Variants in PRDM6 observed in about 807,000 individuals in gnomAD.
PRDM6 encodes the protein PR/SET domain 6.
Under a neutral mutation model 60.8 loss-of-function variants are expected in PRDM6, and 25 were observed. The observed-to-expected ratio is 0.41, with a 90% CI of 0.30 to 0.57. The LOEUF is 0.57. Among genes scored for constraint, PRDM6 ranks in the 20% least tolerant of loss-of-function variants. The probability of loss-of-function intolerance (pLI) is 0.27; values close to 1 mark genes in which losing one functional copy is unlikely to be tolerated. For missense variants in PRDM6, 839 were observed against 821.3 expected (o/e 1.02, Z -0.26); for synonymous variants, 407 against 357.4 (o/e 1.14, Z -1.57).
At chr5:123,110,678 C>T (rs1170681088) in intron 3 of PRDM6, among the ~76,000 whole-genome samples, 5 of 151,184 alleles carry the variant, frequency 3.3e-5, no homozygotes, top group African/African-American at 1.2e-4. Context: ...AGCTATTCTC[C>T]TGCCTCAGCT....
Position 123,099,779 on chromosome 5 carries a change from T to G in PRDM6, c.718T>G (p.Trp240Gly). 8 of 1,547,688 alleles carry G rather than the reference T, an allele frequency of 5.2e-6. No homozygotes were observed. Among genetic ancestry groups the G allele is most frequent in the Non-Finnish European group, 7.0e-6 (8 of 1,145,562 alleles). The change falls in exon 3 of 8, where the codon TGG becomes GGG. Residue 240 changes from tryptophan (W) to glycine (G), a missense_variant. By Grantham distance (184) the Trp-to-Gly change is radical. Around this residue, in one of 2 missense-constraint regions of PRDM6, gnomAD observed 730 missense variants for 648.8 expected, o/e 1.13. Coordinates refer to ENST00000407847, the MANE Select transcript of PRDM6 (RefSeq NM_001136239.4). The surrounding 1 kb of genome is among the most constrained non-coding windows in gnomAD (Gnocchi z 4.0). ...AAAPPPELPE[W>G]LRDLPREVCL... is the part of the protein sequence containing the mutation. ...CGCGCCCCCGCCGGAGCTGCCGGAG[T>G]GGCTGCGGGACCTGCCTCGCGAGGT...
chr5:123,107,716 T>A (rs1229775764), intron 3 of PRDM6, among the ~76,000 whole-genome samples: 1 of 152,224 alleles, frequency 6.6e-6, no homozygotes, highest in Non-Finnish European at 1.5e-5. Context: ...ATACAAACAA[T>A]TTTTGTTCTG....
chr5:123,147,809 C>T (rs79643411), intron 3 of PRDM6, among the ~76,000 whole-genome samples: 1 of 152,226 alleles, frequency 6.6e-6, no homozygotes, highest in African/African-American at 2.4e-5. Flanking sequence ...CTCTGATCAA[C>T]AGACAGAGCA....
chr5:123,152,040 C>G (rs1484221186), intron 3 of PRDM6, among the ~76,000 whole-genome samples: 1 of 152,090 alleles, frequency 6.6e-6, no homozygotes, highest in Non-Finnish European at 1.5e-5. Context: ...CTCCCCTTCA[C>G]TGGAAAACTA....
intron 2 of PRDM6, among the ~76,000 whole-genome samples, chr5:123,098,401 C>G (rs1326382838): frequency 6.6e-6 from 1 of 152,264 alleles, no homozygotes; most frequent in Non-Finnish European, 1.5e-5. Context: ...GGCGCCGAGG[C>G]CACCTTCTCG....
Position 123,090,402 on chromosome 5 carries a change from G to A in PRDM6, c.388G>A (p.Glu130Lys), listed in dbSNP as rs781430056. ...TCTAGCCGCCGCTGCCGTCGCCGCCGAGCCGCTGCCCCCCAAGGAACTGTG... is the reference window on the plus strand; with the variant it reads ...TCTAGCCGCCGCTGCCGTCGCCGCCAAGCCGCTGCCCCCCAAGGAACTGTG... ...APLAAAAVAA[E>K]PLPPKELCLG... The change falls in exon 2 of 8, where the codon GAG becomes AAG. Residue 130 changes from glutamate to lysine, a missense_variant. Around this residue, in one of 2 missense-constraint regions of PRDM6, gnomAD observed 730 missense variants for 648.8 expected, o/e 1.13. Coordinates refer to ENST00000407847, the MANE Select transcript of PRDM6 (RefSeq NM_001136239.4). 1.2e-5 allele frequency: 18 copies of A among 1,459,344 alleles called. No individual in the cohort carries two copies. The South Asian group carries it at 1.6e-4, about 13-fold the overall frequency. The allele number at this position is 1,459,344 out of a possible 1,614,324, so 90.4% of individuals were successfully genotyped here.
At position 123,122,164 on chromosome 5, in the gene PRDM6, C is replaced by CAAAAAAAAAA. The variant is rs138619125; in HGVS notation, c.900+22216_900+22225dup. ...GGCGACAGTGCGAGACTCCATCTGACAAAAAAAAAAAAAAAAAAAAAAGAA... is the reference window on the plus strand; with the variant it reads ...GGCGACAGTGCGAGACTCCATCTGACAAAAAAAAAAAAAAAAAAAAAAAAAAAAAAAAGAA... On this transcript the variant is annotated intron_variant, in intron 3 of 7. Transcript: ENST00000407847. Among the ~76,000 whole-genome samples the CAAAAAAAAAA allele has an allele frequency of 9.1e-5, 9 of 98,896 alleles. 2 individuals are homozygous for CAAAAAAAAAA. The highest frequency in any genetic ancestry group is 7.3e-5 in the Non-Finnish European group (4 of 54,538). The allele number at this position is 98,896 out of a possible 152,430, so 64.9% of individuals were successfully genotyped here.
intron 5 of PRDM6, among the ~76,000 whole-genome samples, chr5:123,161,294 T>A (rs890261176): frequency 6.6e-6 from 1 of 152,228 alleles, no homozygotes; most frequent in South Asian, 2.1e-4. Flanking sequence ...TGCTGGGTGA[T>A]ATAAATACAG....
chr5:123,137,284 C>T (rs1190744813), intron 3 of PRDM6, among the ~76,000 whole-genome samples: 1 of 152,160 alleles, frequency 6.6e-6, no homozygotes, highest in Non-Finnish European at 1.5e-5. Flanking sequence ...TGCAAGGTGA[C>T]TGCAAATCAC....
rs1381491363 is a variant in PRDM6, at chr5:123,188,315, C to G, written c.*1114C>G. 6.6e-6 allele frequency: 1 copy of G among 152,094 alleles called. No individual in the cohort carries two copies. The highest frequency in any genetic ancestry group is 1.5e-5 in the Non-Finnish European group (1 of 68,026). 9.4% of individuals were successfully genotyped at this position (152,094 alleles called of 1,614,324 possible). ...GAAGGTTGTGGTTAGAACAGATAGC[C>G]CAGGAGCAGCTAATTTTATCAATAG... On this transcript the variant is annotated 3_prime_UTR_variant, in exon 8 of 8. Transcript: ENST00000407847.
chr5:123,129,239 C>T (rs1004702251), intron 3 of PRDM6, among the ~76,000 whole-genome samples: 7 of 152,132 alleles, frequency 4.6e-5, no homozygotes, highest in Non-Finnish European at 8.8e-5. Context: ...ATTGTCTTGG[C>T]AATGCGGGCT....
In PRDM6 at chr5:123,189,034, G is replaced by T. The variant is rs1209730170; in HGVS notation, c.*1833G>T. 6.6e-6 allele frequency: 1 copy of T among 152,088 alleles called. No individual in the cohort carries two copies. The highest frequency in any genetic ancestry group is 1.5e-5 in the Non-Finnish European group (1 of 68,024). The allele number at this position is 152,088 out of a possible 1,614,324, so 9.4% of individuals were successfully genotyped here. A position where few individuals can be genotyped will look rare whatever the true frequency, so the allele number is the denominator to read the frequency against. On this transcript the variant is annotated 3_prime_UTR_variant, in exon 8 of 8. Transcript: ENST00000407847. ...GCCATTCACCTAGAATTTTCCTCCAGTTCTTACTATCTCCTGGTCATGAAA... is the reference window on the plus strand; with the variant it reads ...GCCATTCACCTAGAATTTTCCTCCATTTCTTACTATCTCCTGGTCATGAAA...
rs1469337075 is a variant in PRDM6 at position 123,099,526 on chromosome 5, C to G, written c.593-128C>G. ...TTGCTTCGGTGCCCCCAAGGCATCA[C>G]CTTCCTCGAAGGTGGCTTACCCAGG... On this transcript the variant is annotated intron_variant, in intron 2 of 7. Transcript: ENST00000407847. This position sits in a 1 kb window ranked among gnomAD's most constrained non-coding sequence, Gnocchi z 4.0. 7.2e-6 allele frequency: 6 copies of G among 833,034 alleles called. No individual in the cohort carries two copies. The highest frequency in any genetic ancestry group is 1.1e-5 in the Non-Finnish European group (6 of 566,610). The allele number at this position is 833,034 out of a possible 1,614,324, so 51.6% of individuals were successfully genotyped here.
At chr5:123,107,699 G>A (rs1328166404) in intron 3 of PRDM6, among the ~76,000 whole-genome samples, 1 of 152,242 alleles carries the variant, frequency 6.6e-6, no homozygotes, top group Non-Finnish European at 1.5e-5. Flanking sequence ...TTAACACAGT[G>A]TTGGGAATAC....
chr5:123,161,765 C>G (rs1428397865), intron 5 of PRDM6, among the ~76,000 whole-genome samples: 1 of 152,168 alleles, frequency 6.6e-6, no homozygotes, highest in Non-Finnish European at 1.5e-5. Context: ...GACCCTGGCT[C>G]TAACTCTGTG....
intron 7 of PRDM6, among the ~76,000 whole-genome samples, chr5:123,183,203 C>A (rs927095081): frequency 2.0e-5 from 3 of 152,144 alleles, no homozygotes; most frequent in Non-Finnish European, 2.9e-5. Flanking sequence ...TGTAAAGGCA[C>A]ATAACCCTCA....
chr5:123,181,074 C>A (rs985833142), intron 7 of PRDM6, among the ~76,000 whole-genome samples: 1 of 152,228 alleles, frequency 6.6e-6, no homozygotes, highest in East Asian at 1.9e-4. Flanking sequence ...ATGGTCTATT[C>A]ATTCACTTAT....
At chr5:123,143,935 C>G (rs775957715) in intron 3 of PRDM6, among the ~76,000 whole-genome samples, 5 of 152,144 alleles carry the variant, frequency 3.3e-5, no homozygotes, top group Admixed American at 3.3e-4. Context: ...GTGGTCCAGT[C>G]AGGGGATCCA....
chr5:123,090,671 G>A (rs1763816829), intron 2 of PRDM6, 65 bp downstream of exon 2: 1 of 1,148,950 alleles, frequency 8.7e-7, no homozygotes, highest in Non-Finnish European at 1.2e-6. Context: ...GGGCGCGGGT[G>A]CCTGTCAGGG....
Sources: allele counts gnomAD v4.1 joint callset (sites outside exome capture counted in the v4.1 genomes callset), GRCh38; gene constraint gnomAD v4.1.1; regional missense constraint gnomAD v4.1.1; non-coding constraint Gnocchi (gnomAD v3.1); transcripts MANE v1.5; gene names NCBI Gene and HGNC (gene_info 2026-07-23, HGNC 2026-07-21).